Variants in PTPRM observed in about 807,000 individuals in gnomAD.
PTPRM encodes the protein receptor-type tyrosine-protein phosphatase mu.
PTPRM carries 47 observed loss-of-function variants against 186.7 expected under a neutral mutation model. That is an observed-to-expected ratio of 0.25 (90% CI 0.20 to 0.32). The LOEUF is 0.32. PTPRM is among the 10% of genes least tolerant of loss of function. The pLI is 1.00. For synonymous variants in PTPRM, 668 were observed against 674.9 expected (o/e 0.99, Z 0.16); for missense variants, 1,494 against 1,865.0 (o/e 0.80, Z 3.66).
chr18:8,384,754 A>T, intron 30 of PTPRM, 68 bp downstream of exon 30: 1 of 1,582,678 alleles, frequency 6.3e-7, no homozygotes, highest in Non-Finnish European at 8.6e-7. Flanking sequence ...GAATACTTGG[A>T]GCACTCACTC....
At chr18:7,738,769 G>A (rs1302375573) in intron 1 of PTPRM, among the ~76,000 whole-genome samples, 2 of 152,132 alleles carry the variant, frequency 1.3e-5, no homozygotes, top group African/African-American at 4.8e-5. Context: ...AGCATTGGTT[G>A]TGTGACATGC....
chr18:8,222,019 A>G (rs1117758), intron 14 of PTPRM, among the ~76,000 whole-genome samples: 83,959 of 152,098 alleles, frequency 0.55, 23,799 homozygotes, highest in East Asian at 0.77. Flanking sequence ...CCCACCACGT[A>G]GCTGCACTGG....
At chr18:8,076,656 T>C in intron 9 of PTPRM, 92 bp downstream of exon 9, 3 of 610,924 alleles carry the variant, frequency 4.9e-6, no homozygotes, top group South Asian at 5.2e-5. Flanking sequence ...CATACTTACA[T>C]AATATATTTT....
chr18:7,620,585 T>C (rs1477922735), intron 1 of PTPRM, among the ~76,000 whole-genome samples: 1 of 152,194 alleles, frequency 6.6e-6, no homozygotes, highest in Non-Finnish European at 1.5e-5. Flanking sequence ...ATTGCAGTGC[T>C]TGAGAGAATC....
intron 1 of PTPRM, among the ~76,000 whole-genome samples, chr18:7,582,428 G>T (rs2036869784): frequency 6.6e-6 from 1 of 152,178 alleles, no homozygotes; most frequent in Non-Finnish European, 1.5e-5. Flanking sequence ...CTGGGCTAAT[G>T]CTTGGGAAGA....
chr18:8,067,234 G>A (rs9946952), intron 7 of PTPRM, among the ~76,000 whole-genome samples: 3,207 of 152,216 alleles, frequency 0.021, 102 homozygotes, highest in African/African-American at 0.073. Flanking sequence ...AGGGACACAT[G>A]TTGATCTGTG....
At chr18:7,657,313 T>C (rs1375604182) in intron 1 of PTPRM, among the ~76,000 whole-genome samples, 1 of 152,134 alleles carries the variant, frequency 6.6e-6, no homozygotes, top group African/African-American at 2.4e-5. Flanking sequence ...CCGTGGGCAG[T>C]CCACGATGGG....
intron 19 of PTPRM, among the ~76,000 whole-genome samples, chr18:8,255,637 G>A (rs1026557729): frequency 3.3e-5 from 5 of 151,926 alleles, no homozygotes; most frequent in East Asian, 1.9e-4. Flanking sequence ...AAAAAAAGAA[G>A]GAAAGGAAAT....
intron 1 of PTPRM, chr18:7,749,465 A>T (rs1458194253): frequency 2.0e-5 from 3 of 152,086 alleles, no homozygotes; most frequent in Non-Finnish European, 4.4e-5. Context: ...TATACTTTGG[A>T]ATAGGCAGAG....
At chr18:8,396,827 A>G (rs139461029) in intron 32 of PTPRM, among the ~76,000 whole-genome samples, 2 of 152,366 alleles carry the variant, frequency 1.3e-5, no homozygotes, top group East Asian at 3.9e-4. Context: ...GTGACAAAGA[A>G]AATCTCACCA....
At chr18:7,627,581 G>A (rs1005375482) in intron 1 of PTPRM, among the ~76,000 whole-genome samples, 4 of 152,144 alleles carry the variant, frequency 2.6e-5, no homozygotes, top group Non-Finnish European at 5.9e-5. Flanking sequence ...AGTAACCTGC[G>A]GTGAGGCTCG....
rs573606080 is a variant in PTPRM, at chr18:7,682,373, T to G, written c.74-91776T>G. 3.8e-4 allele frequency among the ~76,000 whole-genome samples: 58 copies of G among 152,244 alleles called. 1 individual carries two copies. Among genetic ancestry groups the G allele is most frequent in the Non-Finnish European group, 7.3e-5 (5 of 68,038 alleles). On this transcript the variant is annotated intron_variant, in intron 1 of 32. Transcript: ENST00000580170. ...ACTGGCAATTTTATTTAGAATCATG[T>G]GGCTGTGCATTCCATTTCTTAAAGA...
chr18:7,856,407 G>A (rs1036970030), intron 2 of PTPRM, among the ~76,000 whole-genome samples: 4 of 152,042 alleles, frequency 2.6e-5, no homozygotes, highest in African/African-American at 9.7e-5. Flanking sequence ...CTAGTCACCC[G>A]TCTCTACTTT....
At chr18:8,205,566 A>G (rs2093916664) in intron 14 of PTPRM, among the ~76,000 whole-genome samples, 1 of 152,178 alleles carries the variant, frequency 6.6e-6, no homozygotes, top group African/African-American at 2.4e-5. Flanking sequence ...TGTAATCCAC[A>G]TATAGTTATA....
chr18:8,374,041 A>G (rs1031965318), intron 24 of PTPRM, among the ~76,000 whole-genome samples: 1 of 152,212 alleles, frequency 6.6e-6, no homozygotes, highest in African/African-American at 2.4e-5. Flanking sequence ...AATGTATTAC[A>G]TTCCAAAACA....
At chr18:7,840,153 C>T (rs1483668661) in intron 2 of PTPRM, among the ~76,000 whole-genome samples, 1 of 151,876 alleles carries the variant, frequency 6.6e-6, no homozygotes, top group Non-Finnish European at 1.5e-5. Flanking sequence ...GTTTTTCCCA[C>T]CTCTTCAGTG....
intron 11 of PTPRM, among the ~76,000 whole-genome samples, chr18:8,095,229 T>G (rs1445830665): frequency 6.6e-6 from 1 of 151,974 alleles, no homozygotes; most frequent in African/African-American, 2.4e-5. Context: ...GAGTGGTCAG[T>G]ACAGGGAAGA....
chr18:8,394,924 G>A (rs1029963630), intron 32 of PTPRM, among the ~76,000 whole-genome samples: 1 of 152,230 alleles, frequency 6.6e-6, no homozygotes, highest in East Asian at 1.9e-4. Context: ...TCTTCACAGA[G>A]AAGAAATAAT....
chr18:8,348,146 CAT>C (rs2095515337), intron 23 of PTPRM, among the ~76,000 whole-genome samples: 1 of 152,256 alleles, frequency 6.6e-6, no homozygotes, highest in African/African-American at 2.4e-5. Context: ...ACCTACTTAA[CAT>C]GTGTACCGCA....
Sources: gnomAD v4.1 joint callset for allele counts (sites outside exome capture counted in the v4.1 genomes callset) on GRCh38, gnomAD v4.1.1 for gene constraint, MANE v1.5 for transcripts, NCBI Gene and HGNC (gene_info 2026-07-23, HGNC 2026-07-21) for gene names.